Variants in RFTN1 observed in about 807,000 individuals in gnomAD.
RFTN1 encodes the protein raftlin.
Under a neutral mutation model 46.5 loss-of-function variants are expected in RFTN1, and 26 were observed. The observed-to-expected ratio is 0.56, with a 90% CI of 0.41 to 0.78. RFTN1 has a LOEUF of 0.78. Ranked by LOEUF, RFTN1 falls within the 30% of genes least tolerant of loss-of-function variation. The pLI, the probability that RFTN1 is intolerant of heterozygous loss-of-function variation, is 0.00. For missense variants in RFTN1, 693 were observed against 718.7 expected (o/e 0.96, Z 0.41); for synonymous variants, 261 against 284.2 (o/e 0.92, Z 0.82).
In RFTN1 at chr3:16,327,737, G is replaced by A. The variant is rs1326318953; in HGVS notation, c.1147-861C>T. ...GATGGCACCACTGCACTCCAGCCTG[G>A]GTGACAGAGCGGGATTCCCATCTCA... On this transcript the variant is annotated intron_variant, in intron 7 of 9. Coordinates refer to ENST00000334133, the MANE Select transcript of RFTN1 (RefSeq NM_015150.2). The surrounding 1 kb of genome is among the most constrained non-coding windows in gnomAD (Gnocchi z 4.2). 6.6e-6 allele frequency among the ~76,000 whole-genome samples: 1 copy of A among 151,326 alleles called. No individual in the cohort carries two copies. Among genetic ancestry groups the A allele is most frequent in the Admixed American group, 6.6e-5 (1 of 15,172 alleles).
chr3:16,377,518 A>T (rs690049), intron 5 of RFTN1, among the ~76,000 whole-genome samples, 200 bp downstream of exon 5: 96,418 of 152,048 alleles, frequency 0.63, 31,793 homozygotes, highest in African/African-American at 0.8. Context: ...TGTGGTTCTG[A>T]ACTCCCCAGA....
rs192645497 is a variant in RFTN1 at position 16,505,791 on chromosome 3, C to T, written c.-9+7651G>A. Among the ~76,000 whole-genome samples the T allele has an allele frequency of 1.0e-3, 159 of 152,260 alleles. 1 individual carries two copies. The highest frequency in any genetic ancestry group is 6.7e-4 in the African/African-American group (28 of 41,542). On this transcript the variant is annotated intron_variant, in intron 1 of 9. Coordinates refer to ENST00000334133, the MANE Select transcript of RFTN1 (RefSeq NM_015150.2). ...TGGTGTTTGGCCAAAAACTAGGCAC[C>T]GTAGCCTAGGAAAAAATGACATAAA...
rs1248093761 is a variant in RFTN1, at chr3:16,457,205, T to G, written c.146-23168A>C. On this transcript the variant is annotated intron_variant, in intron 2 of 9. Coordinates refer to ENST00000334133, the MANE Select transcript of RFTN1 (RefSeq NM_015150.2). The surrounding 1 kb of genome is among the most constrained non-coding windows in gnomAD (Gnocchi z 4.2). ...CTACCAAAGGCCAGGCCTGTCTGGGTAAATCCATTCCCTTCAGTAAACATT... is the reference window on the plus strand; with the variant it reads ...CTACCAAAGGCCAGGCCTGTCTGGGGAAATCCATTCCCTTCAGTAAACATT... Among the ~76,000 whole-genome samples the G allele has an allele frequency of 6.6e-6, 1 of 152,212 alleles. No individual in the cohort carries two copies. The highest frequency in any genetic ancestry group is 1.5e-5 in the Non-Finnish European group (1 of 68,038).
Position 16,475,337 on chromosome 3 carries a change from T to C in RFTN1, c.145+18388A>G, listed in dbSNP as rs1385634296. 1.3e-5 allele frequency among the ~76,000 whole-genome samples: 2 copies of C among 152,234 alleles called. No homozygotes were observed. The highest frequency in any genetic ancestry group is 2.9e-5 in the Non-Finnish European group (2 of 68,042). On this transcript the variant is annotated intron_variant, in intron 2 of 9. Coordinates refer to ENST00000334133, the MANE Select transcript of RFTN1 (RefSeq NM_015150.2). This position sits in a 1 kb window ranked among gnomAD's most constrained non-coding sequence, Gnocchi z 4.2. ...ACACCTAGTATGTTTAGAGTTTTGC[T>C]TACCAGCCCCACAATTTTTGAATCT...
In RFTN1 at chr3:16,401,319, G is replaced by GT. The variant is rs200998097; in HGVS notation, c.441+8055dup. Among the ~76,000 whole-genome samples the GT allele has an allele frequency of 3.9e-3, 269 of 68,448 alleles. 1 individual carries two copies. The highest frequency in any genetic ancestry group is 0.017 in the African/African-American group (162 of 9,386). The allele number at this position is 68,448 out of a possible 152,430, so 44.9% of individuals were successfully genotyped here. A position where few individuals can be genotyped will look rare whatever the true frequency, so the allele number is the denominator to read the frequency against. On this transcript the variant is annotated intron_variant, in intron 4 of 9. Transcript: ENST00000334133. ...AGCCTGGGCAACGGAATGAAGCCGT[G>GT]TTAAAAAAAAAAAAAAAAAAGACGG...
chr3:16,453,222 A>G lies in RFTN1; in HGVS notation c.146-19185T>C, dbSNP rs1221118693. On this transcript the variant is annotated intron_variant, in intron 2 of 9. Coordinates refer to ENST00000334133, the MANE Select transcript of RFTN1 (RefSeq NM_015150.2). ...ATTCAAACCCACGCATTCAGAGCCT[A>G]TGCTCTTAACCTCTACACTATGAAT... is the stretch of plus-strand genomic sequence containing the variant. 2.6e-5 allele frequency among the ~76,000 whole-genome samples: 4 copies of G among 152,252 alleles called. No individual in the cohort carries two copies. In the East Asian group the frequency reaches 5.8e-4, roughly 22 times the overall value.
intron 7 of RFTN1, chr3:16,339,807 A>G (rs1016874241): frequency 1.3e-5 from 2 of 152,244 alleles, no homozygotes; most frequent in Non-Finnish European, 2.9e-5. Flanking sequence ...AATCCCAGGC[A>G]CTTAAGGAAG....
rs1276991163 is a variant in RFTN1, at chr3:16,381,202, A to G, written c.442-3100T>C. On this transcript the variant is annotated intron_variant, in intron 4 of 9. Coordinates refer to ENST00000334133, the MANE Select transcript of RFTN1 (RefSeq NM_015150.2). This position sits in a 1 kb window ranked among gnomAD's most constrained non-coding sequence, Gnocchi z 4.2. ...AATACACATACATAAACTATGCATA[A>G]AAACAGTCACCAAAATGAAAACAGC... Among the ~76,000 whole-genome samples, 1 of 152,258 alleles carries G rather than the reference A, an allele frequency of 6.6e-6. No homozygotes were observed. The highest frequency in any genetic ancestry group is 1.5e-5 in the Non-Finnish European group (1 of 68,052).
intron 4 of RFTN1, among the ~76,000 whole-genome samples, chr3:16,406,906 T>G: frequency 1.3e-5 from 2 of 152,150 alleles, no homozygotes; most frequent in East Asian, 3.8e-4. Context: ...GACACACATG[T>G]GCATACACAC....
Position 16,493,059 on chromosome 3 carries a change from G to C in RFTN1, c.145+666C>G, listed in dbSNP as rs17042347. Among the ~76,000 whole-genome samples, 490 of 152,350 alleles carry C rather than the reference G, an allele frequency of 3.2e-3. 6 individuals carry two copies. The East Asian group carries it at 0.037, about 12-fold the overall frequency. ...CTTGCGAGATGGCAGACAACAGGCA[G>C]GTGAATTTGGGTGGAGAGGAAGTTT... On this transcript the variant is annotated intron_variant, in intron 2 of 9. Coordinates refer to ENST00000334133, the MANE Select transcript of RFTN1 (RefSeq NM_015150.2).
chr3:16,324,330 A>C (rs1381737505), intron 8 of RFTN1, among the ~76,000 whole-genome samples: 1 of 152,162 alleles, frequency 6.6e-6, no homozygotes, highest in African/African-American at 2.4e-5. Context: ...AAACTATACA[A>C]GGCATTATTG....
At position 16,366,433 on chromosome 3, in the gene RFTN1, A is replaced by G. The variant is rs777520306; in HGVS notation, c.1030+3643T>C. ...ATGTTCCTGAGTGCCTGGCTGCTCTATATGTGGCCCCTGGACTCATTCTTG... is the reference window on the plus strand; with the variant it reads ...ATGTTCCTGAGTGCCTGGCTGCTCTGTATGTGGCCCCTGGACTCATTCTTG... On this transcript the variant is annotated intron_variant, in intron 6 of 9. Transcript: ENST00000334133. Among the ~76,000 whole-genome samples, 8 of 120,048 alleles carry G rather than the reference A, an allele frequency of 6.7e-5. No individual in the cohort carries two copies. In the East Asian group the frequency reaches 1.8e-3, roughly 27 times the overall value. 78.8% of individuals were successfully genotyped at this position (120,048 alleles called of 152,430 possible). A position where few individuals can be genotyped will look rare whatever the true frequency, so the allele number is the denominator to read the frequency against.
At chr3:16,417,946 G>A (rs2075114574) in intron 3 of RFTN1, among the ~76,000 whole-genome samples, 1 of 152,118 alleles carries the variant, frequency 6.6e-6, no homozygotes, top group Non-Finnish European at 1.5e-5. Flanking sequence ...GGGCTCAAGT[G>A]AACCTCCAGC....
rs925971208 is a variant in RFTN1, at chr3:16,385,080, C to T, written c.442-6978G>A. Reference sequence around the variant, plus strand: ...CCTCATAACTCACACGCCCCCGATCCGTGACAACATAGCACAGCACACGCA... The same window carrying T: ...CCTCATAACTCACACGCCCCCGATCTGTGACAACATAGCACAGCACACGCA... On this transcript the variant is annotated intron_variant, in intron 4 of 9. Coordinates refer to ENST00000334133, the MANE Select transcript of RFTN1 (RefSeq NM_015150.2). The surrounding 1 kb of genome is among the most constrained non-coding windows in gnomAD (Gnocchi z 5.0). 3.9e-5 allele frequency among the ~76,000 whole-genome samples: 6 copies of T among 152,182 alleles called. No individual in the cohort carries two copies. The highest frequency in any genetic ancestry group is 6.5e-5 in the Admixed American group (1 of 15,280).
rs1465110469 is a variant in RFTN1 at position 16,374,738 on chromosome 3, T to C, written c.826+2980A>G. 3.9e-5 allele frequency among the ~76,000 whole-genome samples: 6 copies of C among 152,184 alleles called. No homozygotes were observed. Among genetic ancestry groups the C allele is most frequent in the African/African-American group, 1.2e-4 (5 of 41,444 alleles). On this transcript the variant is annotated intron_variant, in intron 5 of 9. Transcript: ENST00000334133. The surrounding 1 kb of genome is among the most constrained non-coding windows in gnomAD (Gnocchi z 5.4). ...ATGGAAGCTGTGGCAACGGAGACAC[T>C]GAGGCTGTCCCTGCACAGGCTCAGG...
Position 16,451,759 on chromosome 3 carries a change from T to C in RFTN1, c.146-17722A>G, listed in dbSNP as rs1042290835. Reference sequence around the variant, plus strand: ...TTTTTTTTCCTTCCTCACAATTTCATAGATGGAAGATTCATTCTTACCTTA... The same window carrying C: ...TTTTTTTTCCTTCCTCACAATTTCACAGATGGAAGATTCATTCTTACCTTA... On this transcript the variant is annotated intron_variant, in intron 2 of 9. Coordinates refer to ENST00000334133, the MANE Select transcript of RFTN1 (RefSeq NM_015150.2). This position sits in a 1 kb window ranked among gnomAD's most constrained non-coding sequence, Gnocchi z 4.2. Among the ~76,000 whole-genome samples, 4 of 152,182 alleles carry C rather than the reference T, an allele frequency of 2.6e-5. No individual in the cohort carries two copies. Among genetic ancestry groups the C allele is most frequent in the Non-Finnish European group, 5.9e-5 (4 of 68,028 alleles).
chr3:16,358,157 A>C, intron 6 of RFTN1, 110 bp from the exon 7 acceptor site: 1 of 666,658 alleles, frequency 1.5e-6, no homozygotes, highest in Admixed American at 2.3e-5. Context: ...CCCAATCAGA[A>C]CATCTTTTCA....
In RFTN1 at chr3:16,321,251, A is replaced by C; in HGVS notation, c.1332+2125T>G. Among the ~76,000 whole-genome samples the C allele has an allele frequency of 6.6e-6, 1 of 152,142 alleles. No homozygotes were observed. Among genetic ancestry groups the C allele is most frequent in the Middle Eastern group, 3.2e-3 (1 of 316 alleles). On this transcript the variant is annotated intron_variant, in intron 9 of 9. Transcript: ENST00000334133. This position sits in a 1 kb window ranked among gnomAD's most constrained non-coding sequence, Gnocchi z 4.8. Reference sequence around the variant, plus strand: ...GGGGTGCAGTGAGGGCTGAAAATGCAGGCGGAATGGTCATTGGCACAGAGG... The same window carrying C: ...GGGGTGCAGTGAGGGCTGAAAATGCCGGCGGAATGGTCATTGGCACAGAGG...
intron 4 of RFTN1, among the ~76,000 whole-genome samples, chr3:16,398,244 CAAAAAAA>C (rs202032095): frequency 2.7e-5 from 3 of 110,944 alleles, no homozygotes; most frequent in African/African-American, 2.8e-5. Flanking sequence ...AAGACTGTCT[CAAAAAAA>C]AAAAAAAAAA....
Sources: gnomAD v4.1 joint callset for allele counts (sites outside exome capture counted in the v4.1 genomes callset) on GRCh38, gnomAD v4.1.1 for gene constraint, Gnocchi (gnomAD v3.1) non-coding constraint, MANE v1.5 for transcripts, NCBI Gene and HGNC (gene_info 2026-07-23, HGNC 2026-07-21) for gene names.